ASXL3: variants seen among roughly 807,000 people sequenced by gnomAD.
The protein encoded by ASXL3 is ASXL transcriptional regulator 3.
Under a neutral mutation model 170.6 loss-of-function variants are expected in ASXL3, and 34 were observed. The observed-to-expected ratio is 0.20, with a 90% CI of 0.15 to 0.27. The LOEUF is 0.27. Ranked by LOEUF, ASXL3 falls within the 10% of genes least tolerant of loss-of-function variation. The pLI is 1.00. For synonymous variants in ASXL3, 1,002 were observed against 989.1 expected, an observed-to-expected ratio of 1.01 and a Z score of -0.24; for missense variants, 2,592 against 2,695.3, an observed-to-expected ratio of 0.96 and a Z score of 0.85.
At position 33,671,817 on chromosome 18, in the gene ASXL3, T is replaced by C. The variant is rs777349365; in HGVS notation, c.666T>C (p.Thr222=). ...TGAAACATGGGCAAAAATCTCCCACTGGAAAACAAACAAGTCAGCACTTAA... is the reference window on the plus strand; with the variant it reads ...TGAAACATGGGCAAAAATCTCCCACCGGAAAACAAACAAGTCAGCACTTAA... ...KEMKHGQKSP[T]GKQTSQHLKR... is the part of the protein sequence containing the mutation. The change falls in exon 7 of 12, where the codon ACT becomes ACC. Residue 222 remains threonine, a synonymous_variant. Coordinates refer to ENST00000269197, the MANE Select transcript of ASXL3 (RefSeq NM_030632.3). 8 of 1,611,480 alleles carry C rather than the reference T, an allele frequency of 5.0e-6. No homozygotes were observed. Among genetic ancestry groups the C allele is most frequent in the Middle Eastern group, 3.3e-4 (2 of 6,076 alleles).
intron 7 of ASXL3, among the ~76,000 whole-genome samples, chr18:33,674,031 T>C (rs1430218603): frequency 6.6e-6 from 1 of 152,192 alleles, no homozygotes; most frequent in Non-Finnish European, 1.5e-5. Flanking sequence ...ATAAGTTATG[T>C]CTTTTAATTT....
chr18:33,676,108 C>A (rs1421196967), intron 7 of ASXL3, among the ~76,000 whole-genome samples: 1 of 150,714 alleles, frequency 6.6e-6, no homozygotes, highest in Non-Finnish European at 1.5e-5. Flanking sequence ...CCTGTAGTCC[C>A]AGCTACTCGG....
chr18:33,620,685 G>A (rs1032673118), intron 2 of ASXL3, among the ~76,000 whole-genome samples: 3 of 152,052 alleles, frequency 2.0e-5, no homozygotes, highest in African/African-American at 7.2e-5. Context: ...ATAGTACATA[G>A]AGTGGTAAAG....
intron 5 of ASXL3, among the ~76,000 whole-genome samples, chr18:33,667,559 CTGCTAG>C (rs1193349611): frequency 1.3e-5 from 2 of 152,050 alleles, no homozygotes; most frequent in East Asian, 3.9e-4. Flanking sequence ...AAAGTTATCC[CTGCTAG>C]TGGATGTGAT....
intron 10 of ASXL3, 31 bp from the exon 11 acceptor site, chr18:33,738,456 G>T (rs1361739002): frequency 1.9e-6 from 3 of 1,554,110 alleles, no homozygotes. Context: ...TTTTGTGGTT[G>T]AGCAATAATT....
intron 2 of ASXL3, among the ~76,000 whole-genome samples, chr18:33,642,020 A>G (rs1416684348): frequency 6.6e-6 from 1 of 151,982 alleles, no homozygotes; most frequent in East Asian, 1.9e-4. Context: ...AATCAATTCT[A>G]TCTAAGAGTA....
chr18:33,707,662 T>C (rs911893064), intron 8 of ASXL3, among the ~76,000 whole-genome samples: 6 of 152,048 alleles, frequency 3.9e-5, no homozygotes, highest in East Asian at 1.9e-4. Context: ...TGCTTATACC[T>C]TTCTTGCCTT....
At chr18:33,605,466 G>C (rs892981131) in intron 1 of ASXL3, 7 of 152,082 alleles carry the variant, frequency 4.6e-5, no homozygotes, top group African/African-American at 1.7e-4. Context: ...GTTTTGTGTG[G>C]CTTCATCATT....
intron 1 of ASXL3, among the ~76,000 whole-genome samples, chr18:33,579,600 T>C (rs2064976144): frequency 6.6e-6 from 1 of 152,188 alleles, no homozygotes; most frequent in African/African-American, 2.4e-5. Flanking sequence ...TGTGGGTTTT[T>C]CTTTTCTTTC....
At chr18:33,675,848 G>T (rs568464947) in intron 7 of ASXL3, among the ~76,000 whole-genome samples, 4 of 151,978 alleles carry the variant, frequency 2.6e-5, no homozygotes, top group African/African-American at 9.7e-5. Context: ...GGGTTAAAGC[G>T]CACAATAAAA....
At chr18:33,620,404 G>C (rs1054486883) in intron 2 of ASXL3, among the ~76,000 whole-genome samples, 1 of 151,990 alleles carries the variant, frequency 6.6e-6, no homozygotes, top group Non-Finnish European at 1.5e-5. Flanking sequence ...TAAATGTTAG[G>C]ATTAGCAAGG....
At position 33,750,249 on chromosome 18, in the gene ASXL3, A is replaced by T. The variant is rs1743640634; in HGVS notation, c.*3654A>T. 6.6e-6 allele frequency: 1 copy of T among 152,184 alleles called. No individual in the cohort carries two copies. The highest frequency in any genetic ancestry group is 6.5e-5 in the Admixed American group (1 of 15,278). 9.4% of individuals were successfully genotyped at this position (152,184 alleles called of 1,614,324 possible). A position where few individuals can be genotyped will look rare whatever the true frequency, so the allele number is the denominator to read the frequency against. On this transcript the variant is annotated 3_prime_UTR_variant, in exon 12 of 12. Coordinates refer to ENST00000269197, the MANE Select transcript of ASXL3 (RefSeq NM_030632.3). The stretch of plus-strand genomic sequence containing the variant: ...GTAGCCAAAATGTTACTAAATATAA[A>T]ATTCCTGTCGTCTTCAGTCTTCATG...
At chr18:33,580,437 A>G (rs1483762) in intron 1 of ASXL3, among the ~76,000 whole-genome samples, 8,096 of 152,264 alleles carry the variant, frequency 0.053, 605 homozygotes, top group African/African-American at 0.17. Flanking sequence ...AAGTACTATT[A>G]GAGAGCTTTA....
chr18:33,668,460 T>C (rs1235843250), intron 5 of ASXL3, among the ~76,000 whole-genome samples: 3 of 151,896 alleles, frequency 2.0e-5, no homozygotes, highest in African/African-American at 7.3e-5. Flanking sequence ...AAAAAATCTT[T>C]TTATATAGTA....
chr18:33,745,643 A>T lies in ASXL3; in HGVS notation c.5795A>T (p.Tyr1932Phe). The T allele has an allele frequency of 6.2e-7, 1 of 1,613,952 alleles. No homozygotes were observed. Among genetic ancestry groups the T allele is most frequent in the Non-Finnish European group, 8.5e-7 (1 of 1,179,894 alleles). The change falls in exon 12 of 12, where the codon TAC (tyrosine) becomes TTC (phenylalanine). Residue 1932 changes from tyrosine (Y) to phenylalanine (F), a missense_variant. This residue lies in a region of ASXL3 where 2,246 missense variants were observed against 2,219.6 expected (regional missense o/e 1.01). Coordinates refer to ENST00000269197, the MANE Select transcript of ASXL3 (RefSeq NM_030632.3). ...GGTACCTCACACAGACAGCAGTTTT[A>T]CCAAATGCCTGTGGCTGCCAGGGGC... is the stretch of plus-strand genomic sequence containing the variant. ...DAGTSHRQQF[Y>F]QMPVAARGPI...
chr18:33,590,111 GTTTTT>G (rs567969303), intron 1 of ASXL3, among the ~76,000 whole-genome samples: 9 of 83,178 alleles, frequency 1.1e-4, no homozygotes, highest in African/African-American at 6.2e-4. Flanking sequence ...TGCTTTCTAT[GTTTTT>G]TTTTTTTTTT....
In ASXL3 at chr18:33,745,081, G is replaced by A; in HGVS notation, c.5233G>A (p.Ala1745Thr). 6.2e-7 allele frequency: 1 copy of A among 1,613,986 alleles called. No homozygotes were observed. Among genetic ancestry groups the A allele is most frequent in the Non-Finnish European group, 8.5e-7 (1 of 1,179,896 alleles). ...AGGCTGTCGTCTGTCCTCTGTGGAG[G>A]CTAACAATCCGCTGGTGACGCAGTT... ...SSGCRLSSVE[A>T]NNPLVTQLLQ... Residue 1745 changes from alanine (A) to threonine (T), a missense_variant, in exon 12 of 12, where the codon GCT (alanine) becomes ACT (threonine). Transcript: ENST00000269197.
At chr18:33,636,880 A>T (rs900687444) in intron 2 of ASXL3, among the ~76,000 whole-genome samples, 1 of 152,148 alleles carries the variant, frequency 6.6e-6, no homozygotes, top group Non-Finnish European at 1.5e-5. Context: ...AAAAGGTCCT[A>T]TGAGTGTTTC....
intron 7 of ASXL3, among the ~76,000 whole-genome samples, chr18:33,674,823 T>G (rs2066399871): frequency 6.6e-6 from 1 of 152,074 alleles, no homozygotes; most frequent in Non-Finnish European, 1.5e-5. Flanking sequence ...TTTCACCATG[T>G]TAGCCAGGAT....
Sources: gnomAD v4.1 joint callset for allele counts (sites outside exome capture counted in the v4.1 genomes callset) on GRCh38, gnomAD v4.1.1 for gene constraint, gnomAD v4.1.1 regional missense constraint, MANE v1.5 for transcripts, NCBI Gene and HGNC (gene_info 2026-07-23, HGNC 2026-07-21) for gene names.